Variants in KCNIP4 observed in about 807,000 individuals in gnomAD.
The protein encoded by KCNIP4 is potassium voltage-gated channel interacting protein 4.
Under a neutral mutation model 34.0 loss-of-function variants are expected in KCNIP4, and 12 were observed. The observed-to-expected ratio is 0.35, with a 90% CI of 0.23 to 0.57. The LOEUF (loss-of-function observed/expected upper bound fraction) is 0.57, where lower values mean the gene tolerates loss of function less well. Ranked by LOEUF, KCNIP4 falls within the 20% of genes least tolerant of loss-of-function variation. The probability of loss-of-function intolerance (pLI) is 0.83; values close to 1 mark genes in which losing one functional copy is unlikely to be tolerated. For missense variants in KCNIP4, 238 were observed against 311.7 expected (o/e 0.76, Z 1.78); for synonymous variants, 124 against 102.2 (o/e 1.21, Z -1.29).
chr4:21,883,836 A>G (rs989576127), intron 1 of KCNIP4, among the ~76,000 whole-genome samples: 5 of 152,110 alleles, frequency 3.3e-5, no homozygotes, highest in African/African-American at 9.7e-5. Flanking sequence ...ACAACCTTCA[A>G]ATCGACTGAT....
At chr4:21,156,208 T>C (rs534434113) in intron 1 of KCNIP4, among the ~76,000 whole-genome samples, 1 of 152,330 alleles carries the variant, frequency 6.6e-6, no homozygotes, top group South Asian at 2.1e-4. Context: ...ACAGTCAGCT[T>C]CACCTTCAAT....
chr4:21,301,105 TCA>T (rs1272880637), intron 1 of KCNIP4, among the ~76,000 whole-genome samples: 1 of 152,122 alleles, frequency 6.6e-6, no homozygotes, highest in Admixed American at 6.6e-5. Context: ...TTCATGAATA[TCA>T]CACATAGATC....
At chr4:21,085,587 G>A (rs1464966600) in intron 1 of KCNIP4, among the ~76,000 whole-genome samples, 3 of 152,178 alleles carry the variant, frequency 2.0e-5, no homozygotes, top group Non-Finnish European at 4.4e-5. Flanking sequence ...CAAGCCAACA[G>A]ATGTCAATTC....
At position 21,719,134 on chromosome 4, in the gene KCNIP4, T is replaced by G. The variant is rs1714604804; in HGVS notation, c.61+229437A>C. 3 of 152,186 alleles carry G rather than the reference T, an allele frequency of 2.0e-5. No homozygotes were observed. In the South Asian group the frequency reaches 6.2e-4, roughly 31 times the overall value. The allele number at this position is 152,186 out of a possible 1,614,324, so 9.4% of individuals were successfully genotyped here. ...CCCTACAGTTGCTAATCATTGATGA[T>G]AGCTGATGCTAGAAACCAAAAACAG... On this transcript the variant is annotated intron_variant, in intron 1 of 8. Coordinates refer to ENST00000382152, the MANE Select transcript of KCNIP4 (RefSeq NM_025221.6).
At chr4:21,834,345 T>C (rs1418035550) in intron 1 of KCNIP4, among the ~76,000 whole-genome samples, 4 of 152,174 alleles carry the variant, frequency 2.6e-5, no homozygotes, top group Non-Finnish European at 5.9e-5. Flanking sequence ...TTTTATTCTC[T>C]TGGAAGCAAT....
At chr4:21,528,017 A>G (rs576208280) in intron 1 of KCNIP4, among the ~76,000 whole-genome samples, 80 of 152,260 alleles carry the variant, frequency 5.3e-4, no homozygotes, top group African/African-American at 1.8e-3. Context: ...AGGAACTGCC[A>G]CGGGGTCGGT....
intron 1 of KCNIP4, among the ~76,000 whole-genome samples, chr4:21,402,331 C>T (rs1220647825): frequency 2.6e-5 from 4 of 152,120 alleles, no homozygotes. Flanking sequence ...ACTATTTCTT[C>T]CGTGAATAGA....
At chr4:21,737,757 T>C (rs1015048750) in intron 1 of KCNIP4, among the ~76,000 whole-genome samples, 1 of 152,024 alleles carries the variant, frequency 6.6e-6, no homozygotes, top group African/African-American at 2.4e-5. Flanking sequence ...TAAAGGAAAA[T>C]ACTCTGCGGA....
intron 3 of KCNIP4, among the ~76,000 whole-genome samples, chr4:20,784,615 A>G (rs756309722): frequency 6.6e-6 from 1 of 151,784 alleles, no homozygotes; most frequent in Non-Finnish European, 1.5e-5. Flanking sequence ...TTTTTCCTAC[A>G]TTCCCTCCTT....
rs543134496 is a variant in KCNIP4, at chr4:20,838,266, G to C, written c.288+12277C>G. On this transcript the variant is annotated intron_variant, in intron 3 of 8. Transcript: ENST00000382152. ...AGTCTTAGTACTATTTCTAAATGCT[G>C]GTTCTTCAAGTGGTATTTGAGTTTG... 3.3e-5 allele frequency among the ~76,000 whole-genome samples: 5 copies of C among 152,212 alleles called. No homozygotes were observed. In the East Asian group the frequency reaches 9.7e-4, roughly 29 times the overall value.
intron 1 of KCNIP4, among the ~76,000 whole-genome samples, chr4:21,099,371 CA>C (rs2109063980): frequency 6.6e-6 from 1 of 152,172 alleles, no homozygotes; most frequent in Admixed American, 6.5e-5. Flanking sequence ...AACAGAAAAC[CA>C]AACACCGCAT....
chr4:21,244,265 C>T (rs1197378233), intron 1 of KCNIP4, among the ~76,000 whole-genome samples: 5 of 152,064 alleles, frequency 3.3e-5, no homozygotes, highest in Non-Finnish European at 4.4e-5. Flanking sequence ...TTTTCTTGCT[C>T]GTGGAAGATT....
intron 1 of KCNIP4, among the ~76,000 whole-genome samples, chr4:20,961,561 T>G (rs891471346): frequency 6.6e-6 from 1 of 152,206 alleles, no homozygotes; most frequent in Non-Finnish European, 1.5e-5. Context: ...AGGAAATTGA[T>G]ATAGATAACT....
intron 1 of KCNIP4, among the ~76,000 whole-genome samples, chr4:20,980,249 T>G (rs1049433029): frequency 1.3e-5 from 2 of 152,180 alleles, no homozygotes; most frequent in African/African-American, 4.8e-5. Flanking sequence ...TTTCCCACCC[T>G]CTCAGTCAAT....
intron 1 of KCNIP4, among the ~76,000 whole-genome samples, chr4:21,400,893 G>T (rs1316696126): frequency 6.6e-6 from 1 of 152,144 alleles, no homozygotes; most frequent in Non-Finnish European, 1.5e-5. Context: ...CAGCATGGTT[G>T]CTCGTGCCTG....
chr4:21,448,952 A>C (rs1213451184), intron 1 of KCNIP4, among the ~76,000 whole-genome samples: 1 of 152,210 alleles, frequency 6.6e-6, no homozygotes, highest in Non-Finnish European at 1.5e-5. Context: ...AAAAATAAAG[A>C]AGGTTATTGG....
intron 1 of KCNIP4, among the ~76,000 whole-genome samples, chr4:21,317,621 T>C (rs938495694): frequency 2.0e-5 from 3 of 152,200 alleles, no homozygotes; most frequent in African/African-American, 4.8e-5. Flanking sequence ...AGCTATATTA[T>C]GGTTATAATG....
At chr4:21,624,522 G>A (rs899987627) in intron 1 of KCNIP4, among the ~76,000 whole-genome samples, 14 of 152,044 alleles carry the variant, frequency 9.2e-5, no homozygotes, top group African/African-American at 3.1e-4. Context: ...ATTTGACATA[G>A]GATTGTCTAA....
chr4:20,938,029 T>C (rs576044842), intron 1 of KCNIP4, among the ~76,000 whole-genome samples: 1 of 152,262 alleles, frequency 6.6e-6, no homozygotes, highest in Admixed American at 6.5e-5. Context: ...AATTTTAAAT[T>C]ACAACCAAAG....
Sources: gnomAD v4.1 joint callset for allele counts (sites outside exome capture counted in the v4.1 genomes callset) on GRCh38, gnomAD v4.1.1 for gene constraint, MANE v1.5 for transcripts, NCBI Gene and HGNC (gene_info 2026-07-23, HGNC 2026-07-21) for gene names.